Variants in GPR107 observed in about 807,000 individuals in gnomAD.
GPR107 encodes the protein G protein-coupled receptor 107, also known as protein GPR107.
In GPR107, 31 loss-of-function variants were observed where a neutral mutation model predicts 75.5. The observed-to-expected ratio is 0.41, with a 90% confidence interval of 0.31 to 0.55. The LOEUF (loss-of-function observed/expected upper bound fraction) is 0.55. GPR107 is among the 20% of genes least tolerant of loss of function. GPR107 has a pLI of 0.26. For synonymous variants in GPR107, 267 were observed against 251.3 expected (o/e 1.06, Z -0.59); for missense variants, 572 against 665.7 (o/e 0.86, Z 1.55).
chr9:130,118,186 A>G (rs1405566902), intron 14 of GPR107, among the ~76,000 whole-genome samples: 3 of 152,138 alleles, frequency 2.0e-5, no homozygotes, highest in Admixed American at 6.5e-5. Context: ...CACAGAGGCC[A>G]TCGTGAGATG....
rs528452332 is a variant in GPR107 at position 130,075,650 on chromosome 9, T to C, written c.156T>C (p.His52=). 2 of 1,578,762 alleles carry C rather than the reference T, an allele frequency of 1.3e-6. No homozygotes were observed. Among genetic ancestry groups the C allele is most frequent in the Non-Finnish European group, 1.7e-6 (2 of 1,147,924 alleles). The part of the protein sequence containing the change: ...HHLALKDDVR[H]KVHLNTFGFF... The stretch of plus-strand genomic sequence containing the variant: ...AATCTCTTTAGGATGATGTGAGGCA[T>C]AAAGTTCATCTGAACACCTTTGGCT... Residue 52 remains histidine, a synonymous_variant, in exon 2 of 18, where the codon CAT becomes CAC. Coordinates refer to ENST00000347136, the MANE Select transcript of GPR107 (RefSeq NM_020960.5).
At chr9:130,079,032 C>G (rs1830428000) in intron 4 of GPR107, among the ~76,000 whole-genome samples, 1 of 152,206 alleles carries the variant, frequency 6.6e-6, no homozygotes, top group Non-Finnish European at 1.5e-5. Flanking sequence ...GATCTTGGCT[C>G]ATTGCATCCT....
At chr9:130,106,393 T>G (rs1831156174) in intron 13 of GPR107, among the ~76,000 whole-genome samples, 1 of 151,814 alleles carries the variant, frequency 6.6e-6, no homozygotes, top group Admixed American at 6.6e-5. Flanking sequence ...GGTCAAGAGA[T>G]CGAGACCATC....
At chr9:130,070,377 C>T (rs1054085879) in intron 1 of GPR107, among the ~76,000 whole-genome samples, 1 of 152,122 alleles carries the variant, frequency 6.6e-6, no homozygotes, top group Non-Finnish European at 1.5e-5. Flanking sequence ...GATCTCGGCT[C>T]ACTATAAGCT....
At chr9:130,067,608 T>C (rs926109337) in intron 1 of GPR107, among the ~76,000 whole-genome samples, 3 of 152,072 alleles carry the variant, frequency 2.0e-5, no homozygotes, top group Non-Finnish European at 4.4e-5. Flanking sequence ...ATTTTTGTTA[T>C]GTGAGTGAAT....
intron 1 of GPR107, among the ~76,000 whole-genome samples, chr9:130,061,898 T>C (rs988327678): frequency 6.6e-6 from 1 of 151,722 alleles, no homozygotes; most frequent in Non-Finnish European, 1.5e-5. Context: ...TGAGCCGAGA[T>C]TGCACCACTG....
At chr9:130,125,419 A>T in intron 15 of GPR107, among the ~76,000 whole-genome samples, 2 of 144,368 alleles carry the variant, frequency 1.4e-5, no homozygotes, top group Non-Finnish European at 1.5e-5. Flanking sequence ...TTTTTTTAAG[A>T]CTGGGTCTCT....
At chr9:130,108,895 CA>C (rs1167735888) in intron 14 of GPR107, 10 of 392,552 alleles carry the variant, frequency 2.5e-5, no homozygotes, top group Non-Finnish European at 4.4e-5. Context: ...AGCCGGGCTA[CA>C]TAGCCTTTCT....
In GPR107 at chr9:130,092,396, C is replaced by G; in HGVS notation, c.863+15C>G. 1 of 1,605,216 alleles carries G rather than the reference C, an allele frequency of 6.2e-7. No homozygotes were observed. The highest frequency in any genetic ancestry group is 8.5e-7 in the Non-Finnish European group (1 of 1,171,970). On this transcript the variant is annotated intron_variant, in intron 9 of 17. Coordinates refer to ENST00000347136, the MANE Select transcript of GPR107 (RefSeq NM_020960.5). ...CGAAAACGACGGTAAACTATTTCTC[C>G]CTTCAACTTAAGAGTGTGTTGAGAT...
chr9:130,130,877 GAAA>G (rs113310099), intron 17 of GPR107, among the ~76,000 whole-genome samples: 9 of 135,620 alleles, frequency 6.6e-5, no homozygotes, highest in African/African-American at 2.2e-4. Flanking sequence ...TCTCAAAAAA[GAAA>G]AAAAAAAAAA....
At chr9:130,060,252 G>A (rs1829895269) in intron 1 of GPR107, among the ~76,000 whole-genome samples, 1 of 151,932 alleles carries the variant, frequency 6.6e-6, no homozygotes, top group Non-Finnish European at 1.5e-5. Flanking sequence ...TATTAGAGAT[G>A]GGGTTTTGCC....
In GPR107 at chr9:130,119,178, A is replaced by T. The variant is rs756720241; in HGVS notation, c.1307-5737A>T. On this transcript the variant is annotated intron_variant, in intron 14 of 17. Coordinates refer to ENST00000347136, the MANE Select transcript of GPR107 (RefSeq NM_020960.5). The stretch of plus-strand genomic sequence containing the variant: ...CTGCTGCCTGGCTGCTCACTGCATC[A>T]TGCTGGTTTCACCCTGCTCAGAGCG... 8.3e-4 allele frequency among the ~76,000 whole-genome samples: 127 copies of T among 152,164 alleles called. 3 individuals carry two copies. Among genetic ancestry groups the T allele is most frequent in the Admixed American group, 2.6e-4 (4 of 15,278 alleles).
intron 17 of GPR107, 154 bp downstream of exon 17, chr9:130,128,915 G>A: frequency 1.5e-6 from 1 of 683,088 alleles, no homozygotes; most frequent in South Asian, 1.8e-5. Context: ...GGAGCCCCAG[G>A]CTGTCTGATC....
chr9:130,053,971 CG>C lies in GPR107; in HGVS notation c.41del (p.Gly14ValfsTer37). On this transcript the variant is annotated frameshift_variant, in exon 1 of 18. Coordinates refer to ENST00000347136, the MANE Select transcript of GPR107 (RefSeq NM_020960.5). LOFTEE classifies it high-confidence loss of function. ...CGCCCGTCGGCTCCCCCGCCTCCCG[CG>C]GTCCTAGGCTGGCCGCGGGCCTCCG... is the stretch of plus-strand genomic sequence containing the variant. ...LAPVGSPASRGPRLAAGLRLL... is the reference protein window; with the variant it reads ...LAPVGSPASRXPRLAAGLRLL... The C allele has an allele frequency of 6.4e-7, 1 of 1,554,302 alleles. No homozygotes were observed. The highest frequency in any genetic ancestry group is 8.7e-7 in the Non-Finnish European group (1 of 1,150,218).
At position 130,127,506 on chromosome 9, in the gene GPR107, T is replaced by A; in HGVS notation, c.1380T>A (p.Thr460=). 1.3e-6 allele frequency: 2 copies of A among 1,594,352 alleles called. No individual in the cohort carries two copies. Among genetic ancestry groups the A allele is most frequent in the Non-Finnish European group, 1.7e-6 (2 of 1,161,938 alleles). ...AGATTGTGTGTTACATATACTTCAC[T>A]AGGATCATTGCATTTCTCCTCAAAC... The part of the protein sequence containing the change: ...YVLIVCYIYF[T]RIIAFLLKLA... Residue 460 remains threonine (T), a synonymous_variant, in exon 16 of 18, where the codon ACT becomes ACA. Transcript: ENST00000347136.
chr9:130,080,830 T>G (rs1830478839), intron 5 of GPR107, among the ~76,000 whole-genome samples: 1 of 150,398 alleles, frequency 6.6e-6, no homozygotes, highest in South Asian at 2.1e-4. Flanking sequence ...AGACTGTACT[T>G]TTTCTCCATG....
intron 1 of GPR107, among the ~76,000 whole-genome samples, chr9:130,055,926 G>T (rs531429142): frequency 6.6e-6 from 1 of 152,018 alleles, no homozygotes; most frequent in Non-Finnish European, 1.5e-5. Flanking sequence ...CAGTCGGGGC[G>T]AAAGAACTAT....
chr9:130,123,518 T>C (rs902607721), intron 14 of GPR107, among the ~76,000 whole-genome samples: 8 of 42,250 alleles, frequency 1.9e-4, no homozygotes, highest in African/African-American at 5.8e-4. Context: ...TTTTTTTTCT[T>C]TCTTTTCTTT....
In GPR107 at chr9:130,114,420, T is replaced by A. The variant is rs528638772; in HGVS notation, c.1306+6881T>A. ...TTAATTTTAGAGACAGGGTCCTGTGTCACGCAGGCTGGAGTGCAGTGGTGT... is the reference window on the plus strand; with the variant it reads ...TTAATTTTAGAGACAGGGTCCTGTGACACGCAGGCTGGAGTGCAGTGGTGT... On this transcript the variant is annotated intron_variant, in intron 14 of 17. Transcript: ENST00000347136. Among the ~76,000 whole-genome samples, 3 of 152,210 alleles carry A rather than the reference T, an allele frequency of 2.0e-5. No individual in the cohort carries two copies. In the South Asian group the frequency reaches 6.2e-4, roughly 32 times the overall value.
Sources: allele counts gnomAD v4.1 joint callset (sites outside exome capture counted in the v4.1 genomes callset), GRCh38; gene constraint gnomAD v4.1.1; transcripts MANE v1.5; gene names NCBI Gene and HGNC (gene_info 2026-07-23, HGNC 2026-07-21).